The following USP34 variants were observed in gnomAD, a reference collection of about 807,000 sequenced individuals.
USP34 encodes the protein ubiquitin carboxyl-terminal hydrolase 34.
Under a neutral mutation model 460.3 loss-of-function variants are expected in USP34, and 70 were observed. The ratio of observed to expected loss-of-function variants is 0.15; its 90% CI spans 0.13 to 0.19. The LOEUF is 0.19. Ranked by LOEUF, USP34 falls within the 10% of genes least tolerant of loss-of-function variation. The pLI, the probability that USP34 is intolerant of heterozygous loss-of-function variation, is 1.00. For missense variants in USP34, 3,985 were observed against 4,236.2 expected (o/e 0.94, Z 1.65); for synonymous variants, 1,647 against 1,405.3 (o/e 1.17, Z -3.85).
In USP34 at chr2:61,285,609, G is replaced by A. The variant is rs192387881; in HGVS notation, c.4750-652C>T. Among the ~76,000 whole-genome samples the A allele has an allele frequency of 9.3e-4, 141 of 152,136 alleles. 1 individual carries two copies. The highest frequency in any genetic ancestry group is 2.9e-3 in the African/African-American group (121 of 41,510). On this transcript the variant is annotated intron_variant, in intron 34 of 79. Coordinates refer to ENST00000398571, the MANE Select transcript of USP34 (RefSeq NM_014709.4). ...TAGATTCTCTGCATACCACTGAACT[G>A]GGGGAAAGAAATATATACATGTCAG...
intron 23 of USP34, 53 bp downstream of exon 23, chr2:61,317,601 A>G (rs927822254): frequency 8.5e-5 from 125 of 1,470,280 alleles, no homozygotes; most frequent in Non-Finnish European, 1.1e-4. Flanking sequence ...ACCGAATTTG[A>G]TAATCTAATT....
At chr2:61,385,293 T>C (rs1437911009) in intron 5 of USP34, among the ~76,000 whole-genome samples, 1 of 152,186 alleles carries the variant, frequency 6.6e-6, no homozygotes, top group African/African-American at 2.4e-5. Flanking sequence ...GAAATTCATC[T>C]ATAGATTCAG....
chr2:61,462,377 C>T (rs957340454), intron 1 of USP34, among the ~76,000 whole-genome samples: 11 of 151,696 alleles, frequency 7.3e-5, no homozygotes, highest in Non-Finnish European at 1.6e-4. Context: ...AGTGAAGCCC[C>T]ATTCCTACAA....
At chr2:61,223,731 T>TGATGTGATCGCAGCTCACTGCAGC (rs1687654539) in intron 62 of USP34, 1 of 169,974 alleles carries the variant, frequency 5.9e-6, no homozygotes, top group Admixed American at 5.9e-5. Context: ...GGGAATGCAG[T>TGATGTGATCGCAGCTCACTGCAGC]GATGTGATCG....
intron 48 of USP34, among the ~76,000 whole-genome samples, chr2:61,253,797 T>C (rs973907519): frequency 4.6e-5 from 7 of 151,740 alleles, no homozygotes; most frequent in African/African-American, 1.7e-4. Context: ...TGCAGGGGCA[T>C]GGTCTTGGCT....
chr2:61,193,793 G>A (rs561979566), intron 75 of USP34, among the ~76,000 whole-genome samples: 5 of 152,312 alleles, frequency 3.3e-5, no homozygotes, highest in Admixed American at 3.3e-4. Flanking sequence ...GACTGAGTTA[G>A]ACAAGGAGTC....
chr2:61,426,684 A>T (rs1346883863), intron 1 of USP34, among the ~76,000 whole-genome samples: 1 of 152,196 alleles, frequency 6.6e-6, no homozygotes, highest in African/African-American at 2.4e-5. Context: ...CCAACTGCTG[A>T]TTGCACAGCA....
rs1440837577 is a variant in USP34, at chr2:61,283,590, TGAGAGTGA to T, written c.4833-149_4833-142del. On this transcript the variant is annotated intron_variant, in intron 35 of 79. Coordinates refer to ENST00000398571, the MANE Select transcript of USP34 (RefSeq NM_014709.4). Reference sequence around the variant, plus strand: ...GTGGGTGTGTGAGTGAGAGTGAGAGTGAGAGTGAGAGAGAGTGTGAGTGTGTGTGTGTT... The same window carrying T: ...GTGGGTGTGTGAGTGAGAGTGAGAGTGAGAGAGTGTGAGTGTGTGTGTGTT... 8 of 738,918 alleles carry T rather than the reference TGAGAGTGA, an allele frequency of 1.1e-5. No individual in the cohort carries two copies. The African/African-American group carries it at 1.3e-4, about 12-fold the overall frequency. 45.8% of individuals were successfully genotyped at this position (738,918 alleles called of 1,614,324 possible).
chr2:61,366,105 T>G (rs1692431760), intron 10 of USP34, among the ~76,000 whole-genome samples: 1 of 152,348 alleles, frequency 6.6e-6, no homozygotes, highest in Middle Eastern at 3.4e-3. Context: ...TTTGTACTTT[T>G]AGTAGAGACA....
At chr2:61,459,484 T>C (rs946748125) in intron 1 of USP34, among the ~76,000 whole-genome samples, 5 of 152,122 alleles carry the variant, frequency 3.3e-5, no homozygotes, top group South Asian at 2.1e-4. Flanking sequence ...ATTAAGATAC[T>C]TGAAAACAGG....
At chr2:61,259,543 A>G (rs1480137518) in intron 44 of USP34, among the ~76,000 whole-genome samples, 168 bp downstream of exon 44, 2 of 140,272 alleles carry the variant, frequency 1.4e-5, no homozygotes, top group Non-Finnish European at 3.1e-5. Context: ...ACGCACCACC[A>G]TGCCTGGCTT....
At chr2:61,255,876 C>G (rs1489082382) in intron 48 of USP34, among the ~76,000 whole-genome samples, 12 of 152,134 alleles carry the variant, frequency 7.9e-5, no homozygotes, top group Non-Finnish European at 2.9e-5. Flanking sequence ...CCTTATTTGA[C>G]TTAATAATGG....
At chr2:61,456,741 C>A (rs1477876659) in intron 1 of USP34, among the ~76,000 whole-genome samples, 1 of 152,086 alleles carries the variant, frequency 6.6e-6, no homozygotes, top group Non-Finnish European at 1.5e-5. Flanking sequence ...TAGTTTGAGC[C>A]CAGGAGTTCA....
chr2:61,263,274 G>A (rs1025312239), intron 43 of USP34, among the ~76,000 whole-genome samples: 2 of 144,044 alleles, frequency 1.4e-5, no homozygotes, highest in South Asian at 4.4e-4. Flanking sequence ...TCTGCCTCCC[G>A]GGTTCAAACA....
At chr2:61,325,534 T>G (rs998986848) in intron 20 of USP34, 77 bp from the exon 21 acceptor site, 4 of 776,780 alleles carry the variant, frequency 5.1e-6, no homozygotes, top group Non-Finnish European at 7.5e-6. Flanking sequence ...GTCCTATGCA[T>G]AACTTATACC....
At chr2:61,432,666 AAT>A (rs1468182438) in intron 1 of USP34, among the ~76,000 whole-genome samples, 2 of 152,142 alleles carry the variant, frequency 1.3e-5, no homozygotes, top group African/African-American at 4.8e-5. Flanking sequence ...ATATACAGAT[AAT>A]ATATAACACC....
chr2:61,229,469 A>AC (rs1169901958), intron 59 of USP34, 79 bp downstream of exon 59: 250 of 654,710 alleles, frequency 3.8e-4, no homozygotes, highest in Non-Finnish European at 4.7e-4. Flanking sequence ...AAAAAAAAAA[A>AC]AAAAAACAAA....
chr2:61,230,078 T>C (rs1687847972), intron 58 of USP34, among the ~76,000 whole-genome samples: 3 of 152,188 alleles, frequency 2.0e-5, no homozygotes, highest in African/African-American at 7.2e-5. Flanking sequence ...TGTGTAACCA[T>C]TTTGAGAAAA....
chr2:61,234,856 G>C (rs1688018309), intron 57 of USP34, among the ~76,000 whole-genome samples: 2 of 152,052 alleles, frequency 1.3e-5, no homozygotes, highest in South Asian at 2.1e-4. Flanking sequence ...GGCTGGTCTT[G>C]AACTCCTGAC....
Sources: allele counts gnomAD v4.1 joint callset (sites outside exome capture counted in the v4.1 genomes callset), GRCh38; gene constraint gnomAD v4.1.1; transcripts MANE v1.5; gene names NCBI Gene and HGNC (gene_info 2026-07-23, HGNC 2026-07-21).